Variants in GABBR1 observed in about 807,000 individuals in gnomAD.
GABBR1 encodes the protein GABA-B receptor, R1 subunit.
GABBR1 carries 35 observed loss-of-function variants against 117.7 expected under a neutral mutation model. The ratio of observed to expected loss-of-function variants is 0.30; its 90% CI spans 0.23 to 0.39. GABBR1 has a LOEUF of 0.39. Ranked by LOEUF, GABBR1 falls within the 10% of genes least tolerant of loss-of-function variation. The pLI is 1.00. For synonymous variants in GABBR1, 442 were observed against 486.6 expected, an observed-to-expected ratio of 0.91 and a Z score of 1.21; for missense variants, 709 against 1,241.8, an observed-to-expected ratio of 0.57 and a Z score of 6.45.
rs2127455693 is a variant in GABBR1, at chr6:29,631,997, A to C, written c.85+304T>G. Reference sequence around the variant, plus strand: ...GCTAATAAGATCATCTGGACAGCAAAGTGGGACCAAGAAAAGGGAGTAATT... The same window carrying C: ...GCTAATAAGATCATCTGGACAGCAACGTGGGACCAAGAAAAGGGAGTAATT... On this transcript the variant is annotated intron_variant, in intron 2 of 22. Coordinates refer to ENST00000377034, the MANE Select transcript of GABBR1 (RefSeq NM_001470.4). This position sits in a 1 kb window ranked among gnomAD's most constrained non-coding sequence, Gnocchi z 5.9. Among the ~76,000 whole-genome samples the C allele has an allele frequency of 6.6e-6, 1 of 152,220 alleles. No homozygotes were observed. The highest frequency in any genetic ancestry group is 6.5e-5 in the Admixed American group (1 of 15,294).
In GABBR1 at chr6:29,627,684, C is replaced by T. The variant is rs1163409481; in HGVS notation, c.497-38G>A. The T allele has an allele frequency of 3.9e-6, 6 of 1,534,238 alleles. No homozygotes were observed. The highest frequency in any genetic ancestry group is 5.2e-6 in the Non-Finnish European group (6 of 1,145,522). On this transcript the variant is annotated intron_variant, in intron 5 of 22. Coordinates refer to ENST00000377034, the MANE Select transcript of GABBR1 (RefSeq NM_001470.4). The surrounding 1 kb of genome is among the most constrained non-coding windows in gnomAD (Gnocchi z 4.4). ...GCGGGGGGACCCGCGAGTGAGGCCG[C>T]GGGAGATGGGGGGAGTGGGAGGCCC...
rs191862532 is a variant in GABBR1 at position 29,607,769 on chromosome 6, C to A, written c.1993-551G>T. Among the ~76,000 whole-genome samples the A allele has an allele frequency of 2.4e-4, 37 of 152,366 alleles. No homozygotes were observed. Among genetic ancestry groups the A allele is most frequent in the African/African-American group, 8.2e-4 (34 of 41,590 alleles). On this transcript the variant is annotated intron_variant, in intron 16 of 22. Transcript: ENST00000377034. This position sits in a 1 kb window ranked among gnomAD's most constrained non-coding sequence, Gnocchi z 5.0. ...CTTCAGTATTCAAATGCCACCTCTT[C>A]AGTGAGGTCCACCCAATCACGCCAG...
Position 29,604,302 on chromosome 6 carries a change from T to C in GABBR1, c.2712+192A>G, listed in dbSNP as rs1374317681. On this transcript the variant is annotated intron_variant, in intron 22 of 22. Transcript: ENST00000377034. This position sits in a 1 kb window ranked among gnomAD's most constrained non-coding sequence, Gnocchi z 5.3. Reference sequence around the variant, plus strand: ...GGCCAACACTGGATTTTGCCTGAGATAGAATCTTGCTCAGCCCTTTCCCCT... The same window carrying C: ...GGCCAACACTGGATTTTGCCTGAGACAGAATCTTGCTCAGCCCTTTCCCCT... Among the ~76,000 whole-genome samples, 1 of 152,140 alleles carries C rather than the reference T, an allele frequency of 6.6e-6. No individual in the cohort carries two copies. The highest frequency in any genetic ancestry group is 2.4e-5 in the African/African-American group (1 of 41,430).
chr6:29,614,293 T>G (rs1250988357), intron 11 of GABBR1, among the ~76,000 whole-genome samples: 1 of 152,210 alleles, frequency 6.6e-6, no homozygotes, highest in East Asian at 1.9e-4. Flanking sequence ...ATCACATCAT[T>G]CCTTCCTTAC....
intron 5 of GABBR1, 65 bp downstream of exon 5, chr6:29,629,022 G>A: frequency 6.3e-7 from 1 of 1,588,960 alleles, no homozygotes. Flanking sequence ...AATTTCAGGG[G>A]GGTGGAGGGT....
In GABBR1 at chr6:29,629,012, A is replaced by C; in HGVS notation, c.496+75T>G. The C allele has an allele frequency of 1.9e-6, 3 of 1,575,786 alleles. No homozygotes were observed. The South Asian group carries it at 3.3e-5, about 17-fold the overall frequency. ...ACGACGCCCCGTAGCCTAAGGGCAG[A>C]ATTTCAGGGGGGTGGAGGGTGCAGA... is the stretch of plus-strand genomic sequence containing the variant. On this transcript the variant is annotated intron_variant, in intron 5 of 22. Transcript: ENST00000377034.
intron 5 of GABBR1, 95 bp downstream of exon 5, chr6:29,628,992 G>A: frequency 2.1e-6 from 3 of 1,446,678 alleles, no homozygotes; most frequent in South Asian, 1.1e-5. Context: ...AAAGGACGAC[G>A]CCCCGTAGCC....
chr6:29,632,590 T>C lies in GABBR1; in HGVS notation c.1-205A>G. On this transcript the variant is annotated intron_variant, in intron 1 of 22. Transcript: ENST00000377034. The surrounding 1 kb of genome is among the most constrained non-coding windows in gnomAD (Gnocchi z 5.8). The stretch of plus-strand genomic sequence containing the variant: ...GAGAGAAAGCCTGTCCCCACCCTCC[T>C]CCTGCCTCCCTCGGCCCCCAACCCT... 1 of 1,047,610 alleles carries C rather than the reference T, an allele frequency of 9.5e-7. No individual in the cohort carries two copies. The highest frequency in any genetic ancestry group is 1.7e-5 in the South Asian group (1 of 59,238). 64.9% of individuals were successfully genotyped at this position (1,047,610 alleles called of 1,614,324 possible).
rs1197824537 is a variant in GABBR1, at chr6:29,627,747, C to T, written c.497-101G>A. 2.7e-6 allele frequency: 4 copies of T among 1,497,024 alleles called. No individual in the cohort carries two copies. The highest frequency in any genetic ancestry group is 1.3e-5 in the South Asian group (1 of 79,530). 92.7% of individuals were successfully genotyped at this position (1,497,024 alleles called of 1,614,324 possible). On this transcript the variant is annotated intron_variant, in intron 5 of 22. Transcript: ENST00000377034. This position sits in a 1 kb window ranked among gnomAD's most constrained non-coding sequence, Gnocchi z 4.4. ...CCCCTGCCGCCATCACAACCAGAAG[C>T]GGCAGTGGCCACCCCACCCGGGCAA...
chr6:29,612,584 G>A lies in GABBR1; in HGVS notation c.1597C>T (p.Arg533Trp), dbSNP rs1338326885. ...TGCTCGATAAGCGTCCATGCCATCC[G>A]AGAGCCGCTGGCATCAAACACCACA... ...GHVVFDASGS[R>W]MAWTLIEQLQ... The change falls in exon 13 of 23, where the codon CGG becomes TGG. Residue 533 changes from arginine to tryptophan, a missense_variant. Arg to Trp is a moderately radical substitution (Grantham distance 101). Coordinates refer to ENST00000377034, the MANE Select transcript of GABBR1 (RefSeq NM_001470.4). 1.2e-6 allele frequency: 2 copies of A among 1,614,026 alleles called. No homozygotes were observed. The highest frequency in any genetic ancestry group is 2.2e-5 in the East Asian group (1 of 44,880).
At position 29,621,683 on chromosome 6, in the gene GABBR1, A is replaced by G; in HGVS notation, c.1131+69T>C. The G allele has an allele frequency of 1.5e-6, 2 of 1,328,824 alleles. No homozygotes were observed. Among genetic ancestry groups the G allele is most frequent in the Non-Finnish European group, 2.2e-6 (2 of 920,764 alleles). The allele number at this position is 1,328,824 out of a possible 1,614,324, so 82.3% of individuals were successfully genotyped here. ...TATCAACTCAGGCACAGATGCCAAGAGGAGGCCCCACAAGAAAACCAAGGG... is the reference window on the plus strand; with the variant it reads ...TATCAACTCAGGCACAGATGCCAAGGGGAGGCCCCACAAGAAAACCAAGGG... On this transcript the variant is annotated intron_variant, in intron 10 of 22. Transcript: ENST00000377034. This position sits in a 1 kb window ranked among gnomAD's most constrained non-coding sequence, Gnocchi z 5.0.
Position 29,611,032 on chromosome 6 carries a change from C to T in GABBR1, c.1631-31G>A. ...CAGACGACAATAAAAGGAGTGACCA[C>T]AGGTAGCCAAAGAGCTGATCCTAGG... On this transcript the variant is annotated intron_variant, in intron 13 of 22. Coordinates refer to ENST00000377034, the MANE Select transcript of GABBR1 (RefSeq NM_001470.4). This position sits in a 1 kb window ranked among gnomAD's most constrained non-coding sequence, Gnocchi z 4.6. 1 of 1,575,040 alleles carries T rather than the reference C, an allele frequency of 6.3e-7. No individual in the cohort carries two copies. Among genetic ancestry groups the T allele is most frequent in the Non-Finnish European group, 8.7e-7 (1 of 1,145,548 alleles).
Position 29,632,755 on chromosome 6 carries a change from C to T in GABBR1, c.-1+95G>A. The T allele has an allele frequency of 8.5e-7, 1 of 1,170,430 alleles. No homozygotes were observed. Among genetic ancestry groups the T allele is most frequent in the South Asian group, 1.5e-5 (1 of 65,866 alleles). The allele number at this position is 1,170,430 out of a possible 1,614,324, so 72.5% of individuals were successfully genotyped here. A position where few individuals can be genotyped will look rare whatever the true frequency, so the allele number is the denominator to read the frequency against. ...CGGTTCCTCCTCTCCCCCAGCCCCG[C>T]TTCCCCCAGCTGGGCCCTGCGCCCA... On this transcript the variant is annotated intron_variant, in intron 1 of 22. Coordinates refer to ENST00000377034, the MANE Select transcript of GABBR1 (RefSeq NM_001470.4). The surrounding 1 kb of genome is among the most constrained non-coding windows in gnomAD (Gnocchi z 5.8).
At position 29,603,146 on chromosome 6, in the gene GABBR1, A is replaced by G. The variant is rs1344704875; in HGVS notation, c.*397T>C. 1 of 471,586 alleles carries G rather than the reference A, an allele frequency of 2.1e-6. No homozygotes were observed. The highest frequency in any genetic ancestry group is 6.5e-5 in the East Asian group (1 of 15,418). 29.2% of individuals were successfully genotyped at this position (471,586 alleles called of 1,614,324 possible). On this transcript the variant is annotated 3_prime_UTR_variant, in exon 23 of 23. Transcript: ENST00000377034. ...TGGGGTGGAAAGAGCACTTGTTGGG[A>G]GACCCCTGCTGGACAGGAACAGAGC... is the stretch of plus-strand genomic sequence containing the variant.
intron 11 of GABBR1, among the ~76,000 whole-genome samples, chr6:29,615,414 A>T (rs1224243582): frequency 6.6e-6 from 1 of 151,964 alleles, no homozygotes; most frequent in Non-Finnish European, 1.5e-5. Context: ...AATTCCAGAC[A>T]GCCTGGCCAA....
At position 29,630,322 on chromosome 6, in the gene GABBR1, A is replaced by T; in HGVS notation, c.475+136T>A. 1.4e-6 allele frequency: 1 copy of T among 723,912 alleles called. No individual in the cohort carries two copies. Among genetic ancestry groups the T allele is most frequent in the East Asian group, 2.7e-5 (1 of 36,794 alleles). The allele number at this position is 723,912 out of a possible 1,614,324, so 44.8% of individuals were successfully genotyped here. The stretch of plus-strand genomic sequence containing the variant: ...GAGGCAGGTGATGGAGGAAAAAGGG[A>T]CTTTCATCTCCCCTTTCCAGTGTCC... On this transcript the variant is annotated intron_variant, in intron 4 of 22. Transcript: ENST00000377034. This position sits in a 1 kb window ranked among gnomAD's most constrained non-coding sequence, Gnocchi z 4.9.
intron 14 of GABBR1, 49 bp downstream of exon 14, chr6:29,610,875 C>T (rs1352093501): frequency 1.3e-6 from 2 of 1,507,796 alleles, no homozygotes; most frequent in Admixed American, 3.4e-5. Context: ...GACTTTTTCC[C>T]TTGACTGTCG....
rs538880401 is a variant in GABBR1, at chr6:29,607,318, G to A, written c.1993-100C>T. 1.7e-5 allele frequency: 16 copies of A among 925,620 alleles called. No individual in the cohort carries two copies. Among genetic ancestry groups the A allele is most frequent in the East Asian group, 1.7e-4 (7 of 41,080 alleles). 57.3% of individuals were successfully genotyped at this position (925,620 alleles called of 1,614,324 possible). ...CTAAGGGAGAGTGGGCAGGGAGCAC[G>A]GGCAGGGAGCTCATGGTGGCACAGG... On this transcript the variant is annotated intron_variant, in intron 16 of 22. Coordinates refer to ENST00000377034, the MANE Select transcript of GABBR1 (RefSeq NM_001470.4). This position sits in a 1 kb window ranked among gnomAD's most constrained non-coding sequence, Gnocchi z 5.0.
chr6:29,606,007 C>A lies in GABBR1; in HGVS notation c.2312-311G>T. On this transcript the variant is annotated intron_variant, in intron 19 of 22. Transcript: ENST00000377034. This position sits in a 1 kb window ranked among gnomAD's most constrained non-coding sequence, Gnocchi z 4.5. ...TGGGCCACACATGCCTCACCCTTACCCTACAGGTGGGAAGGTGGCTTTCCA... is the reference window on the plus strand; with the variant it reads ...TGGGCCACACATGCCTCACCCTTACACTACAGGTGGGAAGGTGGCTTTCCA... 1 of 527,530 alleles carries A rather than the reference C, an allele frequency of 1.9e-6. No individual in the cohort carries two copies. Among genetic ancestry groups the A allele is most frequent in the Non-Finnish European group, 3.4e-6 (1 of 296,114 alleles). 32.7% of individuals were successfully genotyped at this position (527,530 alleles called of 1,614,324 possible).
Sources: allele counts gnomAD v4.1 joint callset (sites outside exome capture counted in the v4.1 genomes callset), GRCh38; gene constraint gnomAD v4.1.1; non-coding constraint Gnocchi (gnomAD v3.1); transcripts MANE v1.5; gene names NCBI Gene and HGNC (gene_info 2026-07-23, HGNC 2026-07-21).